FERRY3: variants seen among roughly 807,000 people sequenced by gnomAD.
FERRY3 encodes FERRY endosomal RAB5 effector complex subunit 3, also known as protein C12orf4.
At chr12:4,512,644 T>G in the FERRY3 span, among the ~76,000 whole-genome samples, 1 of 150,330 alleles carries the variant, frequency 6.7e-6, no homozygotes, top group Admixed American at 6.6e-5. Context: ...AAAAACCACA[T>G]GATTATCTCA....
the FERRY3 span, chr12:4,534,259 G>A: frequency 6.2e-7 from 1 of 1,612,092 alleles, no homozygotes; most frequent in South Asian, 1.1e-5. Flanking sequence ...CATAATCGCT[G>A]AGGGATTCTT....
At chr12:4,498,717 T>C in the FERRY3 span, among the ~76,000 whole-genome samples, 1 of 152,144 alleles carries the variant, frequency 6.6e-6, no homozygotes, top group Admixed American at 6.5e-5. Context: ...GAAGTCAATT[T>C]TTCCACAGAC....
At chr12:4,490,474 T>C in the FERRY3 span, 1 of 1,428,474 alleles carries the variant, frequency 7.0e-7, no homozygotes, top group Non-Finnish European at 9.5e-7. Flanking sequence ...CTGTGAGAAA[T>C]CTAATAAAAG....
chr12:4,514,298 G>T, the FERRY3 span, among the ~76,000 whole-genome samples: 1 of 150,578 alleles, frequency 6.6e-6, no homozygotes, highest in Admixed American at 6.6e-5. Context: ...CTGTTGGTGG[G>T]ACTGTAAACT....
At chr12:4,511,181 A>G in the FERRY3 span, among the ~76,000 whole-genome samples, 1 of 151,762 alleles carries the variant, frequency 6.6e-6, no homozygotes, top group Non-Finnish European at 1.5e-5. Flanking sequence ...ATTCAACAAG[A>G]AGAGCTAACT....
the FERRY3 span, chr12:4,500,400 G>A: frequency 1.4e-6 from 2 of 1,452,950 alleles, no homozygotes; most frequent in Non-Finnish European, 1.9e-6. Context: ...ATTCATCAAT[G>A]GGCTTTATAA....
chr12:4,532,661 G>A, the FERRY3 span, among the ~76,000 whole-genome samples: 46 of 152,098 alleles, frequency 3.0e-4, no homozygotes, highest in Admixed American at 1.8e-3. Context: ...TAATCCCCAG[G>A]TAATTGATAT....
chr12:4,531,633 G>C, the FERRY3 span, among the ~76,000 whole-genome samples: 1 of 152,358 alleles, frequency 6.6e-6, no homozygotes, highest in South Asian at 2.1e-4. Flanking sequence ...GAGAGAAAGC[G>C]ATTCAATGTC....
the FERRY3 span, chr12:4,525,677 A>T: frequency 1.1e-6 from 1 of 884,872 alleles, no homozygotes; most frequent in Admixed American, 3.0e-5. Flanking sequence ...AAGTGAAAAT[A>T]AAAAATTTAT....
the FERRY3 span, among the ~76,000 whole-genome samples, chr12:4,530,534 G>A: frequency 9.7e-3 from 1,479 of 152,264 alleles, 25 homozygotes; most frequent in African/African-American, 0.034. Context: ...TACTGTTAAA[G>A]TAGGTTACAT....
At chr12:4,507,654 T>A in the FERRY3 span, among the ~76,000 whole-genome samples, 1 of 152,216 alleles carries the variant, frequency 6.6e-6, no homozygotes, top group South Asian at 2.1e-4. Flanking sequence ...ATAGATCAAA[T>A]GTCTATTAGG....
chr12:4,506,249 G>A, the FERRY3 span, among the ~76,000 whole-genome samples: 1 of 152,014 alleles, frequency 6.6e-6, no homozygotes, highest in African/African-American at 2.4e-5. Context: ...AACTATTTTG[G>A]AATCTATTTT....
the FERRY3 span, chr12:4,505,243 G>A: frequency 2.0e-5 from 20 of 1,004,444 alleles, no homozygotes; most frequent in Non-Finnish European, 2.9e-5. Context: ...TTCCTATGGT[G>A]TGCATTATAA....
chr12:4,494,655 T>C, the FERRY3 span, among the ~76,000 whole-genome samples: 1 of 152,280 alleles, frequency 6.6e-6, no homozygotes, highest in South Asian at 2.1e-4. Flanking sequence ...GATTTATGTC[T>C]GGATGCTTTA....
At chr12:4,523,668 A>C in the FERRY3 span, among the ~76,000 whole-genome samples, 19 of 152,220 alleles carry the variant, frequency 1.2e-4, no homozygotes, top group African/African-American at 4.6e-4. Context: ...AGGGATATGG[A>C]TGAAGCTGGA....
chr12:4,535,054 G>A, the FERRY3 span, among the ~76,000 whole-genome samples: 1 of 152,186 alleles, frequency 6.6e-6, no homozygotes, highest in African/African-American at 2.4e-5. The surrounding 1 kb of genome is among the most constrained non-coding windows in gnomAD (Gnocchi z 4.0). Context: ...TAAATGACTA[G>A]CTTATTAACA....
chr12:4,517,728 G>GAGAGAGAGAGAGAA, the FERRY3 span, among the ~76,000 whole-genome samples: 1 of 149,458 alleles, frequency 6.7e-6, no homozygotes, highest in African/African-American at 2.5e-5. Context: ...GAGAGAGAGA[G>GAGAGAGAGAGAGAA]AGAGAGAGAG....
the FERRY3 span, among the ~76,000 whole-genome samples, chr12:4,496,625 A>AGTCTCTT: frequency 2.2e-3 from 330 of 152,338 alleles, 2 homozygotes; most frequent in African/African-American, 7.4e-3. Context: ...TTGAAATCTC[A>AGTCTCTT]GTTCTGACTA....
At chr12:4,500,490 A>C in the FERRY3 span, 1 of 665,648 alleles carries the variant, frequency 1.5e-6, no homozygotes, top group Non-Finnish European at 2.6e-6. Flanking sequence ...AGCAACTGTG[A>C]TTACTGCTCT....
Sources: gnomAD v4.1 joint callset for allele counts (sites outside exome capture counted in the v4.1 genomes callset) on GRCh38, gnomAD v4.1.1 for gene constraint, Gnocchi (gnomAD v3.1) non-coding constraint, MANE v1.5 for transcripts, NCBI Gene and HGNC (gene_info 2026-07-23, HGNC 2026-07-21) for gene names.